ATRAID: variants seen among roughly 807,000 people sequenced by gnomAD.
ATRAID encodes all-trans retinoic acid induced differentiation factor, also known as all-trans retinoic acid-induced differentiation factor.
A neutral mutation model predicts 28.8 loss-of-function variants in ATRAID; 26 were observed. That is an observed-to-expected ratio of 0.90 (90% CI 0.66 to 1.25). The LOEUF (loss-of-function observed/expected upper bound fraction) is 1.25. ATRAID is among the 50% of genes most tolerant of loss of function. The pLI is 0.00. For synonymous variants in ATRAID, 131 were observed against 108.5 expected, an observed-to-expected ratio of 1.21 and a Z score of -1.29; for missense variants, 308 against 285.9, an observed-to-expected ratio of 1.08 and a Z score of -0.56.
intron 2 of ATRAID, 25 bp downstream of exon 2, chr2:27,213,323 C>A (rs777024746): frequency 6.2e-6 from 10 of 1,610,026 alleles, no homozygotes; most frequent in Non-Finnish European, 8.5e-6. Context: ...TCCCTAGATG[C>A]TGGATACAGG....
In ATRAID at chr2:27,215,319, A is replaced by G; in HGVS notation, c.222-2A>G. On this transcript the variant is annotated splice_acceptor_variant, in intron 2 of 6. Coordinates refer to ENST00000380171, the MANE Select transcript of ATRAID (RefSeq NM_001170795.4). LOFTEE classifies it high-confidence loss of function. ...GTTATATTGATTACTTTATTTCCTC[A>G]GGCTGGATCTCCAGAACTGTTCTCT... The G allele has an allele frequency of 6.2e-7, 1 of 1,613,966 alleles. No homozygotes were observed. The highest frequency in any genetic ancestry group is 8.5e-7 in the Non-Finnish European group (1 of 1,179,806).
intron 2 of ATRAID, 112 bp from the exon 3 acceptor site, chr2:27,215,209 C>A: frequency 1.9e-6 from 2 of 1,058,992 alleles, no homozygotes; most frequent in East Asian, 2.5e-5. Context: ...ACTCTGAACA[C>A]AGCTGTGTTC....
chr2:27,214,268 A>AG (rs1248523464), intron 2 of ATRAID, among the ~76,000 whole-genome samples: 1 of 152,214 alleles, frequency 6.6e-6, no homozygotes, highest in African/African-American at 2.4e-5. Context: ...TGCAGTTTGT[A>AG]GGGACTCAGT....
At chr2:27,215,849 A>G in intron 5 of ATRAID, 96 bp downstream of exon 5, 5 of 1,481,612 alleles carry the variant, frequency 3.4e-6, no homozygotes, top group South Asian at 1.3e-5. Flanking sequence ...AGCGCCTTTC[A>G]TTCAGAGTTC....
chr2:27,212,635 C>G, intron 1 of ATRAID, 168 bp downstream of exon 1: 2 of 1,408,076 alleles, frequency 1.4e-6, no homozygotes, highest in Non-Finnish European at 9.2e-7. Context: ...TCACGTCGTG[C>G]AGGCCTTCGG....
chr2:27,215,298 T>G (rs186486115), intron 2 of ATRAID, 23 bp from the exon 3 acceptor site: 3 of 1,610,724 alleles, frequency 1.9e-6, no homozygotes, highest in African/African-American at 2.7e-5. Flanking sequence ...CACACAGTTA[T>G]ATTGATTACT....
At chr2:27,212,631 C>T in intron 1 of ATRAID, 164 bp downstream of exon 1, 2 of 1,409,132 alleles carry the variant, frequency 1.4e-6, no homozygotes, top group Middle Eastern at 2.6e-4. Flanking sequence ...GTACTCACGT[C>T]GTGCAGGCCT....
intron 1 of ATRAID, chr2:27,212,753 ATC>A (rs1319984783): frequency 1.7e-5 from 15 of 900,430 alleles, no homozygotes; most frequent in East Asian, 3.5e-5. Context: ...CTCTTGTGTA[ATC>A]TCTCTACGCA....
In ATRAID at chr2:27,215,463, G is replaced by A; in HGVS notation, c.294-11G>A. ...GTTGATGCGAAAGTGCTAACATTGT[G>A]TACTTTGCAGAGACCTGCAAGCAAA... On this transcript the variant is annotated splice_polypyrimidine_tract_variant and intron_variant, in intron 3 of 6. Coordinates refer to ENST00000380171, the MANE Select transcript of ATRAID (RefSeq NM_001170795.4). 1.2e-6 allele frequency: 2 copies of A among 1,614,164 alleles called. No homozygotes were observed. The highest frequency in any genetic ancestry group is 1.7e-6 in the Non-Finnish European group (2 of 1,180,020).
rs185160026 is a variant in ATRAID, at chr2:27,212,393, C to T, written c.25C>T (p.Leu9Phe). ...AATGGCGCCTCACGACCCGGGTAGT[C>T]TTACGACCCTGGTGCCCTGGGCTGC... MAPHDPGS[L>F]TTLVPWAAAL... The change falls in exon 1 of 7, where the codon CTT becomes TTT. Residue 9 changes from leucine (L) to phenylalanine (F), a missense_variant. By Grantham distance (22) the Leu-to-Phe change is conservative. Coordinates refer to ENST00000380171, the MANE Select transcript of ATRAID (RefSeq NM_001170795.4). The T allele has an allele frequency of 1.0e-5, 16 of 1,551,070 alleles. No individual in the cohort carries two copies. In the African/African-American group the frequency reaches 1.8e-4, roughly 17 times the overall value.
chr2:27,212,379 A>G lies in ATRAID; in HGVS notation c.11A>G (p.His4Arg), dbSNP rs1294291643. The change falls in exon 1 of 7, where the codon CAC becomes CGC. Residue 4 changes from histidine (H) to arginine (R), a missense_variant. Coordinates refer to ENST00000380171, the MANE Select transcript of ATRAID (RefSeq NM_001170795.4). The part of the protein sequence containing the change: MAP[H>R]DPGSLTTLVP... ...CCAAGGGAACGGAAAATGGCGCCTC[A>G]CGACCCGGGTAGTCTTACGACCCTG... 6.5e-7 allele frequency: 1 copy of G among 1,550,092 alleles called. No individual in the cohort carries two copies. The highest frequency in any genetic ancestry group is 8.7e-7 in the Non-Finnish European group (1 of 1,146,348).
chr2:27,216,842 A>G lies in ATRAID; in HGVS notation c.586-2A>G, dbSNP rs1252482319. 6.2e-7 allele frequency: 1 copy of G among 1,613,448 alleles called. No homozygotes were observed. Among genetic ancestry groups the G allele is most frequent in the South Asian group, 1.1e-5 (1 of 91,070 alleles). ...GGGTGTTTTTTGGTCTGTTGTTCACAGGGCTCGTTCTCACTGCTTATGTTC... is the reference window on the plus strand; with the variant it reads ...GGGTGTTTTTTGGTCTGTTGTTCACGGGGCTCGTTCTCACTGCTTATGTTC... On this transcript the variant is annotated splice_acceptor_variant, in intron 6 of 6. Coordinates refer to ENST00000380171, the MANE Select transcript of ATRAID (RefSeq NM_001170795.4). LOFTEE classifies it high-confidence loss of function.
rs1286871610 is a variant in ATRAID, at chr2:27,216,888, C to A, written c.630C>A (p.Thr210=). The A allele has an allele frequency of 1.2e-6, 2 of 1,614,058 alleles. No homozygotes were observed. The highest frequency in any genetic ancestry group is 1.7e-6 in the Non-Finnish European group (2 of 1,180,036). Residue 210 remains threonine (T), a synonymous_variant, in exon 7 of 7, where the codon ACC becomes ACA. Coordinates refer to ENST00000380171, the MANE Select transcript of ATRAID (RefSeq NM_001170795.4). ...TGTTCTTCGGGATTCTGGGAGCCAC[C>A]ACTCTATCCGTCTCCATTCTGCTTT... ...LLMFFGILGA[T]TLSVSILLWA...
At chr2:27,214,102 ATATATT>A (rs1401991033) in intron 2 of ATRAID, among the ~76,000 whole-genome samples, 1 of 152,186 alleles carries the variant, frequency 6.6e-6, no homozygotes, top group Non-Finnish European at 1.5e-5. Context: ...GTCCACTCAA[ATATATT>A]TATACACTGT....
chr2:27,212,243 C>G lies in ATRAID; in HGVS notation c.-126C>G, dbSNP rs758829508. The G allele has an allele frequency of 3.2e-6, 5 of 1,560,800 alleles. No individual in the cohort carries two copies. The highest frequency in any genetic ancestry group is 4.3e-6 in the Non-Finnish European group (5 of 1,153,058). On this transcript the variant is annotated 5_prime_UTR_variant, in exon 1 of 7. Transcript: ENST00000380171. ...AGAGCTCCACGAGCAGGAAAAGCCCCCAAGCAGCCCCAGGGCGACTGGACC... is the reference window on the plus strand; with the variant it reads ...AGAGCTCCACGAGCAGGAAAAGCCCGCAAGCAGCCCCAGGGCGACTGGACC...
intron 1 of ATRAID, chr2:27,212,884 T>C (rs1674652570): frequency 8.7e-6 from 4 of 457,144 alleles, no homozygotes; most frequent in Non-Finnish European, 1.5e-5. Flanking sequence ...GAGAAGTCTC[T>C]GCAGAAAGCA....
At chr2:27,213,448 CTT>C in intron 2 of ATRAID, 150 bp downstream of exon 2, 9 of 1,023,874 alleles carry the variant, frequency 8.8e-6, no homozygotes, top group Non-Finnish European at 1.2e-5. Flanking sequence ...TCTTTAGTGT[CTT>C]TTTTAACCTT....
Position 27,212,235 on chromosome 2 carries a change from A to G in ATRAID, c.-134A>G. On this transcript the variant is annotated 5_prime_UTR_variant, in exon 1 of 7. Transcript: ENST00000380171. ...ACCAGCGCAGAGCTCCACGAGCAGGAAAAGCCCCCAAGCAGCCCCAGGGCG... is the reference window on the plus strand; with the variant it reads ...ACCAGCGCAGAGCTCCACGAGCAGGGAAAGCCCCCAAGCAGCCCCAGGGCG... 2 of 1,561,096 alleles carry G rather than the reference A, an allele frequency of 1.3e-6. No homozygotes were observed. The highest frequency in any genetic ancestry group is 2.3e-5 in the East Asian group (1 of 42,674).
At chr2:27,213,798 C>T (rs1318484752) in intron 2 of ATRAID, among the ~76,000 whole-genome samples, 1 of 152,212 alleles carries the variant, frequency 6.6e-6, no homozygotes, top group Non-Finnish European at 1.5e-5. Flanking sequence ...TGCCTGCCCT[C>T]AAAGGCATTC....
Sources: allele counts gnomAD v4.1 joint callset (sites outside exome capture counted in the v4.1 genomes callset), GRCh38; gene constraint gnomAD v4.1.1; transcripts MANE v1.5; gene names NCBI Gene and HGNC (gene_info 2026-07-23, HGNC 2026-07-21).